FAP: variants seen among roughly 807,000 people sequenced by gnomAD.
FAP encodes fibroblast activation protein alpha, also known as prolyl endopeptidase FAP.
Under a neutral mutation model 126.5 loss-of-function variants are expected in FAP, and 110 were observed. That is an observed-to-expected ratio of 0.87 (90% CI 0.74 to 1.02). The LOEUF (loss-of-function observed/expected upper bound fraction) is 1.02, where lower values mean the gene tolerates loss of function less well. FAP is among the 50% of genes least tolerant of loss of function. The probability of loss-of-function intolerance (pLI) is 0.00; values close to 1 mark genes in which losing one functional copy is unlikely to be tolerated. For synonymous variants in FAP, 334 were observed against 297.3 expected, an observed-to-expected ratio of 1.12 and a Z score of -1.27; for missense variants, 919 against 909.2, an observed-to-expected ratio of 1.01 and a Z score of -0.14.
At chr2:162,218,324 C>G (rs1453709518) in intron 8 of FAP, among the ~76,000 whole-genome samples, 184 bp from the exon 9 acceptor site, 1 of 152,078 alleles carries the variant, frequency 6.6e-6, no homozygotes, top group Non-Finnish European at 1.5e-5. Flanking sequence ...CCCTTTCACT[C>G]TATATCAAAC....
intron 15 of FAP, among the ~76,000 whole-genome samples, 166 bp downstream of exon 15, chr2:162,200,400 C>A (rs886818407): frequency 6.9e-6 from 1 of 145,826 alleles, no homozygotes; most frequent in Admixed American, 7.3e-5. Context: ...TAACATTTTG[C>A]GAGTGTGTGT....
chr2:162,243,441 A>G lies in FAP; in HGVS notation c.-114T>C. On this transcript the variant is annotated 5_prime_UTR_variant, in exon 1 of 26. Coordinates refer to ENST00000188790, the MANE Select transcript of FAP (RefSeq NM_004460.5). Reference sequence around the variant, plus strand: ...GTCTTTGTAGTTGGAAGCTGAAGCCAGGACAAGGTTTTTTTCTTTCCACGG... The same window carrying G: ...GTCTTTGTAGTTGGAAGCTGAAGCCGGGACAAGGTTTTTTTCTTTCCACGG... The G allele has an allele frequency of 7.1e-7, 1 of 1,411,808 alleles. No individual in the cohort carries two copies. Among genetic ancestry groups the G allele is most frequent in the East Asian group, 2.5e-5 (1 of 39,874 alleles). 87.5% of individuals were successfully genotyped at this position (1,411,808 alleles called of 1,614,324 possible).
chr2:162,214,648 G>A (rs574292426), intron 10 of FAP, among the ~76,000 whole-genome samples: 2 of 150,468 alleles, frequency 1.3e-5, no homozygotes, highest in East Asian at 3.9e-4. Context: ...CCATGACTCT[G>A]AGCATGAACT....
chr2:162,190,832 A>G (rs1688017629), intron 17 of FAP, among the ~76,000 whole-genome samples: 1 of 152,078 alleles, frequency 6.6e-6, no homozygotes, highest in Admixed American at 6.6e-5. Context: ...TTGCCAAACC[A>G]CTTCTCTTGT....
At chr2:162,194,354 A>G (rs980324689) in intron 17 of FAP, among the ~76,000 whole-genome samples, 1 of 150,492 alleles carries the variant, frequency 6.6e-6, no homozygotes, top group African/African-American at 2.4e-5. Flanking sequence ...AAAACACCCT[A>G]GGGATTCTAT....
At chr2:162,215,865 A>T (rs1689140036) in intron 10 of FAP, 33 bp downstream of exon 10, 1 of 1,472,348 alleles carries the variant, frequency 6.8e-7, no homozygotes, top group Non-Finnish European at 9.5e-7. Flanking sequence ...AGAATATAGG[A>T]TAGAAAGATG....
Position 162,226,510 on chromosome 2 carries a change from A to G in FAP, c.190+13T>C, listed in dbSNP as rs908132028. 1.4e-6 allele frequency: 2 copies of G among 1,409,348 alleles called. No individual in the cohort carries two copies. The highest frequency in any genetic ancestry group is 2.0e-6 in the Non-Finnish European group (2 of 1,008,890). 87.3% of individuals were successfully genotyped at this position (1,409,348 alleles called of 1,614,324 possible). On this transcript the variant is annotated intron_variant, in intron 3 of 25. Transcript: ENST00000188790. ...ACATAAAAAAAACCCCTAAAGATAA[A>G]TAATGCACTTACCTGAAATCCAGTT...
At chr2:162,194,417 G>A (rs1466737545) in intron 17 of FAP, among the ~76,000 whole-genome samples, 1 of 151,642 alleles carries the variant, frequency 6.6e-6, no homozygotes, top group Non-Finnish European at 1.5e-5. Flanking sequence ...ATTCTAATCT[G>A]TGCTTTTTAT....
At chr2:162,220,030 T>G (rs1328008745) in intron 6 of FAP, 105 bp from the exon 7 acceptor site, 1 of 781,140 alleles carries the variant, frequency 1.3e-6, no homozygotes, top group Non-Finnish European at 2.1e-6. Flanking sequence ...AAATTAAGGA[T>G]CATTCCCTCT....
At chr2:162,201,586 C>T (rs1028613526) in intron 14 of FAP, among the ~76,000 whole-genome samples, 9 of 152,276 alleles carry the variant, frequency 5.9e-5, no homozygotes, top group African/African-American at 2.2e-4. Context: ...TTGTCTCCCT[C>T]TCTAACCCTT....
In FAP at chr2:162,214,384, GA is replaced by G. The variant is rs543003760; in HGVS notation, c.867-312del. On this transcript the variant is annotated intron_variant, in intron 10 of 25. Transcript: ENST00000188790. ...CAAAGCTACTGATCAATCTAGAGGG[GA>G]AAAAAAGCATTAAACTTGCATTTTG... Among the ~76,000 whole-genome samples, 525 of 151,918 alleles carry G rather than the reference GA, an allele frequency of 3.5e-3. 2 individuals carry two copies. The highest frequency in any genetic ancestry group is 6.3e-3 in the Non-Finnish European group (426 of 67,944).
In FAP at chr2:162,194,818, T is replaced by G; in HGVS notation, c.1403-70A>C. 4.4e-6 allele frequency: 6 copies of G among 1,375,224 alleles called. No individual in the cohort carries two copies. In the South Asian group the frequency reaches 4.7e-5, roughly 11 times the overall value. 85.2% of individuals were successfully genotyped at this position (1,375,224 alleles called of 1,614,324 possible). A position where few individuals can be genotyped will look rare whatever the true frequency, so the allele number is the denominator to read the frequency against. ...ACAATTCCTTTTCAAGACGGGCTGC[T>G]GGTAGTATTTGTGATTAGTGTCAAG... is the stretch of plus-strand genomic sequence containing the variant. On this transcript the variant is annotated intron_variant, in intron 16 of 25. Coordinates refer to ENST00000188790, the MANE Select transcript of FAP (RefSeq NM_004460.5).
rs1419121287 is a variant in FAP at position 162,223,617 on chromosome 2, A to G, written c.404T>C (p.Leu135Pro). The G allele has an allele frequency of 6.2e-7, 1 of 1,603,270 alleles. No homozygotes were observed. The highest frequency in any genetic ancestry group is 8.5e-7 in the Non-Finnish European group (1 of 1,170,486). The change falls in exon 6 of 26, where the codon CTT becomes CCT. Residue 135 changes from leucine (L) to proline (P), a missense_variant. Coordinates refer to ENST00000188790, the MANE Select transcript of FAP (RefSeq NM_004460.5). ...SYTATYYIYD[L>P]SNGEFVRGNE... is the part of the protein sequence containing the mutation. ...AACAGAGGTGATTTACCCATTGCTA[A>G]GGTCATAGATGTAATATGTTGCTGT...
intron 21 of FAP, 101 bp downstream of exon 21, chr2:162,183,313 T>C (rs1428357918): frequency 9.9e-6 from 9 of 912,418 alleles, no homozygotes; most frequent in Non-Finnish European, 1.6e-5. Context: ...TTAAATTATG[T>C]TGCAACATTA....
chr2:162,240,303 T>C (rs951384119), intron 2 of FAP, among the ~76,000 whole-genome samples: 1 of 152,276 alleles, frequency 6.6e-6, no homozygotes, highest in African/African-American at 2.4e-5. Flanking sequence ...GATTTTCTCA[T>C]TTCACTACTA....
intron 20 of FAP, among the ~76,000 whole-genome samples, chr2:162,187,021 A>G (rs943213202): frequency 6.6e-6 from 1 of 152,072 alleles, no homozygotes; most frequent in Non-Finnish European, 1.5e-5. Context: ...AATTTGTCGT[A>G]TTGTACTCAG....
At position 162,200,590 on chromosome 2, in the gene FAP, T is replaced by C; in HGVS notation, c.1253A>G (p.Tyr418Cys). The change falls in exon 15 of 26, where the codon TAC (tyrosine) becomes TGC (cysteine). Residue 418 changes from tyrosine to cysteine, a missense_variant. Transcript: ENST00000188790. ...LFYSSNEFEE[Y>C]PGRRNIYRIS... ...CCTGTAGATGTTTCTTCTTCCAGGG[T>C]ATTCTTCAAATTCATTGCTAGAATA... 6.8e-7 allele frequency: 1 copy of C among 1,476,952 alleles called. No individual in the cohort carries two copies. Among genetic ancestry groups the C allele is most frequent in the South Asian group, 1.2e-5 (1 of 81,394 alleles). The allele number at this position is 1,476,952 out of a possible 1,614,324, so 91.5% of individuals were successfully genotyped here.
At chr2:162,179,803 TATA>T (rs1450709607) in intron 21 of FAP, among the ~76,000 whole-genome samples, 9 of 140,592 alleles carry the variant, frequency 6.4e-5, no homozygotes, top group African/African-American at 1.6e-4. Flanking sequence ...TATATATATA[TATA>T]TATATATTTT....
chr2:162,231,540 C>T (rs917825767), intron 2 of FAP, among the ~76,000 whole-genome samples: 4 of 152,134 alleles, frequency 2.6e-5, no homozygotes, highest in African/African-American at 9.7e-5. Context: ...TTTGGCCCAT[C>T]TTTAGTATAG....
Sources: gnomAD v4.1 joint callset for allele counts (sites outside exome capture counted in the v4.1 genomes callset) on GRCh38, gnomAD v4.1.1 for gene constraint, MANE v1.5 for transcripts, NCBI Gene and HGNC (gene_info 2026-07-23, HGNC 2026-07-21) for gene names.